CHAT: variants seen among roughly 807,000 people sequenced by gnomAD.
CHAT encodes choline O-acetyltransferase.
In CHAT, 61 loss-of-function variants were observed where a neutral mutation model predicts 76.9. That is an observed-to-expected ratio of 0.79 (90% confidence interval 0.65 to 0.98). The LOEUF (loss-of-function observed/expected upper bound fraction) is 0.98, where lower values mean the gene tolerates loss of function less well. Among genes scored for constraint, CHAT ranks in the 50% least tolerant of loss-of-function variants. The pLI is 0.00. For synonymous variants in CHAT, 407 were observed against 397.4 expected (o/e 1.02, Z -0.29); for missense variants, 946 against 986.9 (o/e 0.96, Z 0.56).
In CHAT at chr10:49,667,177, A is replaced by G. The variant is rs1234802554; in HGVS notation, c.*2131A>G. 7.9e-5 allele frequency among the ~76,000 whole-genome samples: 12 copies of G among 152,306 alleles called. No individual in the cohort carries two copies. Among genetic ancestry groups the G allele is most frequent in the African/African-American group, 2.6e-4 (11 of 41,582 alleles). On this transcript the variant is annotated 3_prime_UTR_variant, in exon 15 of 15. Transcript: ENST00000337653. ...CTGGAGTCTGCCAGCAGCAGTAGCT[A>G]ATGTCTAAAAGACACAGGGGCCAGG...
rs547202555 is a variant in CHAT at position 49,635,719 on chromosome 10, A to G, written c.1111+7934A>G. 5.9e-5 allele frequency among the ~76,000 whole-genome samples: 9 copies of G among 152,334 alleles called. No homozygotes were observed. The South Asian group carries it at 1.9e-3, about 32-fold the overall frequency. ...TCAATACAGTAAAAGCATTTGGCAA[A>G]ATTCAACAACCATTCATGATAAAAT... On this transcript the variant is annotated intron_variant, in intron 7 of 14. Transcript: ENST00000337653.
chr10:49,661,579 G>C (rs1840195548), intron 13 of CHAT, among the ~76,000 whole-genome samples: 1 of 152,154 alleles, frequency 6.6e-6, no homozygotes, highest in African/African-American at 2.4e-5. Context: ...CCTATACCAA[G>C]TTCATTGTGA....
chr10:49,647,952 G>C lies in CHAT; in HGVS notation c.1282-555G>C, dbSNP rs189878576. The C allele has an allele frequency of 4.7e-3, 840 of 179,998 alleles. 4 individuals carry two copies. Among genetic ancestry groups the C allele is most frequent in the Non-Finnish European group, 7.7e-3 (658 of 85,550 alleles). The allele number at this position is 179,998 out of a possible 1,614,324, so 11.2% of individuals were successfully genotyped here. A position where few individuals can be genotyped will look rare whatever the true frequency, so the allele number is the denominator to read the frequency against. ...CAGGCGAACCAGAGAAGCCAGCAGG[G>C]CTTCATGGACCTGAATTCAAGATGA... On this transcript the variant is annotated intron_variant, in intron 8 of 14. Transcript: ENST00000337653.
intron 5 of CHAT, among the ~76,000 whole-genome samples, chr10:49,623,662 C>G (rs1838810128): frequency 1.3e-5 from 2 of 152,186 alleles, no homozygotes; most frequent in African/African-American, 2.4e-5. Flanking sequence ...ACAAATGAGC[C>G]AGGAGAGCTT....
intron 7 of CHAT, among the ~76,000 whole-genome samples, chr10:49,631,521 C>A (rs12220022): frequency 1.3e-5 from 2 of 152,130 alleles, no homozygotes; most frequent in African/African-American, 4.8e-5. Flanking sequence ...AATTTTGGAA[C>A]GACACAATTT....
chr10:49,650,602 A>G (rs1027202544), intron 10 of CHAT, among the ~76,000 whole-genome samples: 3 of 152,130 alleles, frequency 2.0e-5, no homozygotes, highest in Non-Finnish European at 1.5e-5. Context: ...TGGGGCCACA[A>G]AAAGGAAGTT....
intron 7 of CHAT, among the ~76,000 whole-genome samples, chr10:49,643,376 A>G (rs1337794266): frequency 6.6e-6 from 1 of 151,998 alleles, no homozygotes; most frequent in Non-Finnish European, 1.5e-5. Context: ...CCCACCCTCC[A>G]TCCACCACCC....
chr10:49,615,781 G>A, intron 1 of CHAT: 1 of 539,936 alleles, frequency 1.9e-6, no homozygotes. Context: ...ACTAAGGCAG[G>A]TGGCCCCTAG....
rs570203479 is a variant in CHAT at position 49,667,624 on chromosome 10, G to A, written c.*2578G>A. ...CATCTCTGCGGGGACCCTGGGAAAG[G>A]AGCCTGCTCCAGGTGTCCCCAAAGA... is the stretch of plus-strand genomic sequence containing the variant. On this transcript the variant is annotated 3_prime_UTR_variant, in exon 15 of 15. Transcript: ENST00000337653. 2.6e-5 allele frequency among the ~76,000 whole-genome samples: 4 copies of A among 152,202 alleles called. No homozygotes were observed. Among genetic ancestry groups the A allele is most frequent in the Admixed American group, 6.5e-5 (1 of 15,282 alleles).
chr10:49,662,717 C>T lies in CHAT; in HGVS notation c.1912C>T (p.Leu638=). 1 of 1,614,242 alleles carries T rather than the reference C, an allele frequency of 6.2e-7. No homozygotes were observed. The highest frequency in any genetic ancestry group is 8.5e-7 in the Non-Finnish European group (1 of 1,180,048). ...RELARAMCKE[L]PEMFMDETYL... is the part of the protein sequence containing the mutation. ...GCTGGCCCGGGCCATGTGCAAGGAG[C>T]TGCCCGAGATGTTCATGGATGAAAC... is the stretch of plus-strand genomic sequence containing the variant. Residue 638 remains leucine (L), a synonymous_variant, in exon 14 of 15, where the codon CTG becomes TTG. Coordinates refer to ENST00000337653, the MANE Select transcript of CHAT (RefSeq NM_020549.5).
chr10:49,648,709 G>T, intron 9 of CHAT, 102 bp downstream of exon 9: 1 of 707,468 alleles, frequency 1.4e-6, no homozygotes, highest in South Asian at 1.5e-5. Flanking sequence ...AGATGAATTT[G>T]AAAAAAATGT....
At chr10:49,631,175 A>C (rs1186405345) in intron 7 of CHAT, among the ~76,000 whole-genome samples, 1 of 152,182 alleles carries the variant, frequency 6.6e-6, no homozygotes, top group Admixed American at 6.5e-5. Context: ...AAGTGTGTTC[A>C]AGTCTGCTCA....
rs3810949 is a variant in CHAT at position 49,614,734 on chromosome 10, A to G, written c.286+259A>G. On this transcript the variant is annotated intron_variant, in intron 1 of 14. Transcript: ENST00000337653. ...ATGTTCTCACTTCACTTGGCCCAGC[A>G]TCTGCTAAGTGACCAGGTCCGCGCT... Among the ~76,000 whole-genome samples the G allele has an allele frequency of 2.5e-3, 386 of 152,324 alleles. 9 individuals carry two copies. In the East Asian group the frequency reaches 0.045, roughly 18 times the overall value.
rs766585447 is a variant in CHAT at position 49,627,680 on chromosome 10, A to T, written c.1006A>T (p.Ile336Leu). The change falls in exon 7 of 15, where the codon ATA becomes TTA. Residue 336 changes from isoleucine to leucine, a missense_variant. Coordinates refer to ENST00000337653, the MANE Select transcript of CHAT (RefSeq NM_020549.5). ...GGATCTGTTCACTCAGTTGAGAAAG[A>T]TAGTCAAAATGGCTTCCAACGAGGA... is the stretch of plus-strand genomic sequence containing the variant. ...EGDLFTQLRK[I>L]VKMASNEDER... The T allele has an allele frequency of 6.2e-7, 1 of 1,614,166 alleles. No individual in the cohort carries two copies. Among genetic ancestry groups the T allele is most frequent in the Non-Finnish European group, 8.5e-7 (1 of 1,179,992 alleles).
chr10:49,620,537 C>T lies in CHAT; in HGVS notation c.622C>T (p.Leu208=), dbSNP rs377304752. 6.2e-6 allele frequency: 10 copies of T among 1,613,948 alleles called. No homozygotes were observed. The highest frequency in any genetic ancestry group is 8.5e-6 in the Non-Finnish European group (10 of 1,179,876). Residue 208 remains leucine (L), a synonymous_variant, in exon 4 of 15, where the codon CTG becomes TTG. Transcript: ENST00000337653. ...WLNDMYLNNR[L]ALPVNSSPAV... is the part of the protein sequence containing the mutation. Reference sequence around the variant, plus strand: ...GAATGACATGTATCTCAACAACCGCCTGGCCCTGCCTGTCAACTCCAGCCC... The same window carrying T: ...GAATGACATGTATCTCAACAACCGCTTGGCCCTGCCTGTCAACTCCAGCCC...
intron 2 of CHAT, among the ~76,000 whole-genome samples, chr10:49,618,577 A>C (rs914923398): frequency 4.6e-5 from 7 of 152,220 alleles, no homozygotes; most frequent in African/African-American, 4.8e-5. Context: ...TTTAGCTCCT[A>C]GTCTGCCATC....
Position 49,664,048 on chromosome 10 carries a change from G to A in CHAT, c.1978-729G>A, listed in dbSNP as rs188403644. On this transcript the variant is annotated intron_variant, in intron 14 of 14. Coordinates refer to ENST00000337653, the MANE Select transcript of CHAT (RefSeq NM_020549.5). The stretch of plus-strand genomic sequence containing the variant: ...CAAACCAGGCCCTGCACCTGCCCAA[G>A]AATCCTTTCTATTTTTTTTCCCAAG... Among the ~76,000 whole-genome samples the A allele has an allele frequency of 3.9e-5, 6 of 152,306 alleles. 1 individual carries two copies. Among genetic ancestry groups the A allele is most frequent in the Middle Eastern group, 6.8e-3 (2 of 294 alleles).
Position 49,616,411 on chromosome 10 carries a change from G to T in CHAT, c.287-91G>T, listed in dbSNP as rs542141588. The stretch of plus-strand genomic sequence containing the variant: ...TGTCAGGCTCTGGCCTCCTCATGGG[G>T]CTGGGGTGGGGGTCTGTTGGCGGGA... On this transcript the variant is annotated intron_variant, in intron 1 of 14. Coordinates refer to ENST00000337653, the MANE Select transcript of CHAT (RefSeq NM_020549.5). 2.2e-3 allele frequency: 2,246 copies of T among 998,224 alleles called. 4 individuals carry two copies. Among genetic ancestry groups the T allele is most frequent in the Non-Finnish European group, 3.2e-3 (2,030 of 642,048 alleles). The allele number at this position is 998,224 out of a possible 1,614,324, so 61.8% of individuals were successfully genotyped here. A position where few individuals can be genotyped will look rare whatever the true frequency, so the allele number is the denominator to read the frequency against.
intron 7 of CHAT, among the ~76,000 whole-genome samples, chr10:49,641,350 C>T (rs1367956451): frequency 6.6e-6 from 1 of 151,468 alleles, no homozygotes; most frequent in Non-Finnish European, 1.5e-5. Context: ...GCCTTCCTCT[C>T]GCCATCTTTC....
Sources: allele counts gnomAD v4.1 joint callset (sites outside exome capture counted in the v4.1 genomes callset), GRCh38; gene constraint gnomAD v4.1.1; transcripts MANE v1.5; gene names NCBI Gene and HGNC (gene_info 2026-07-23, HGNC 2026-07-21).